The following SLC7A14 variants were observed in gnomAD, a reference collection of about 807,000 sequenced individuals.
SLC7A14 encodes solute carrier family 7 member 14.
In SLC7A14, 37 loss-of-function variants were observed where a neutral mutation model predicts 60.2. The observed-to-expected ratio is 0.61, with a 90% CI of 0.47 to 0.81. The LOEUF (loss-of-function observed/expected upper bound fraction) is 0.81. Ranked by LOEUF, SLC7A14 falls within the 30% of genes least tolerant of loss-of-function variation. The probability of loss-of-function intolerance (pLI) is 0.00; values close to 1 mark genes in which losing one functional copy is unlikely to be tolerated. For synonymous variants in SLC7A14, 399 were observed against 395.8 expected (o/e 1.01, Z -0.10); for missense variants, 886 against 982.7 (o/e 0.90, Z 1.32).
At chr3:170,540,744 A>G (rs1271330023) in intron 1 of SLC7A14, among the ~76,000 whole-genome samples, 5 of 152,218 alleles carry the variant, frequency 3.3e-5, no homozygotes, top group African/African-American at 4.8e-5. Context: ...CCTTGCTCAC[A>G]AAGGAATGCC....
At position 170,469,155 on chromosome 3, in the gene SLC7A14, C is replaced by A. The variant is rs80212265; in HGVS notation, c.1994-1778G>T. On this transcript the variant is annotated intron_variant, in intron 7 of 7. Transcript: ENST00000231706. Reference sequence around the variant, plus strand: ...ACATCCTCCTCTGAGTAGCACCAGTCTCTTTGACTTTGCTAACCCTGCAGG... The same window carrying A: ...ACATCCTCCTCTGAGTAGCACCAGTATCTTTGACTTTGCTAACCCTGCAGG... Among the ~76,000 whole-genome samples, 1,274 of 152,266 alleles carry A rather than the reference C, an allele frequency of 8.4e-3. 23 individuals are homozygous for A. Among genetic ancestry groups the A allele is most frequent in the African/African-American group, 0.029 (1,209 of 41,546 alleles).
chr3:170,566,437 C>T (rs1714790632), intron 1 of SLC7A14, among the ~76,000 whole-genome samples: 1 of 152,130 alleles, frequency 6.6e-6, no homozygotes, highest in Admixed American at 6.5e-5. Context: ...TTAAACATTG[C>T]CAACAAATAG....
At chr3:170,499,110 G>A (rs867067979) in intron 3 of SLC7A14, among the ~76,000 whole-genome samples, 4 of 151,636 alleles carry the variant, frequency 2.6e-5, no homozygotes, top group Non-Finnish European at 4.4e-5. Flanking sequence ...GGTGGCGGGC[G>A]CCTGTAGTCC....
At position 170,481,134 on chromosome 3, in the gene SLC7A14, GTC is replaced by G. The variant is rs1273147379; in HGVS notation, c.1146_1147del (p.Glu382AspfsTer52). ...CGACACGATGCAGGCCACCACTGGT[GTC>G]TCTGTGTAGGAGCTGACGTGAGCCA... On this transcript the variant is annotated frameshift_variant, in exon 7 of 8. Coordinates refer to ENST00000231706, the MANE Select transcript of SLC7A14 (RefSeq NM_020949.3). LOFTEE classifies it high-confidence loss of function. 1 of 1,613,832 alleles carries G rather than the reference GTC, an allele frequency of 6.2e-7. No individual in the cohort carries two copies. Among genetic ancestry groups the G allele is most frequent in the Non-Finnish European group, 8.5e-7 (1 of 1,179,966 alleles).
chr3:170,483,662 GCCTTT>G, intron 5 of SLC7A14, 140 bp from the exon 6 acceptor site: 2 of 839,354 alleles, frequency 2.4e-6, no homozygotes, highest in Non-Finnish European at 3.8e-6. Context: ...GCTGGCATGT[GCCTTT>G]ACTGTAGACC....
chr3:170,537,547 C>G (rs1473879004), intron 1 of SLC7A14, among the ~76,000 whole-genome samples: 2 of 152,228 alleles, frequency 1.3e-5, no homozygotes, highest in African/African-American at 4.8e-5. Flanking sequence ...TTTCTGTACT[C>G]TATGGCAAAC....
intron 1 of SLC7A14, among the ~76,000 whole-genome samples, chr3:170,540,996 C>A (rs1714001411): frequency 6.6e-6 from 1 of 152,104 alleles, no homozygotes; most frequent in African/African-American, 2.4e-5. Flanking sequence ...GAGATGTTTT[C>A]ACTTATTGAC....
chr3:170,564,811 C>A (rs979059753), intron 1 of SLC7A14, among the ~76,000 whole-genome samples: 1 of 152,122 alleles, frequency 6.6e-6, no homozygotes, highest in Non-Finnish European at 1.5e-5. Context: ...GGGGGTGGAC[C>A]AACTGCTACC....
intron 5 of SLC7A14, 43 bp from the exon 6 acceptor site, chr3:170,483,565 A>G (rs1711917461): frequency 6.2e-7 from 1 of 1,607,220 alleles, no homozygotes; most frequent in Admixed American, 1.7e-5. Context: ...ACAGGGGAAG[A>G]ACAGCATGGA....
chr3:170,501,286 A>C lies in SLC7A14; in HGVS notation c.364T>G (p.Tyr122Asp). The C allele has an allele frequency of 6.2e-7, 1 of 1,614,224 alleles. No individual in the cohort carries two copies. Among genetic ancestry groups the C allele is most frequent in the South Asian group, 1.1e-5 (1 of 91,080 alleles). ...AATTCCCCAACAGTGACATAGCTGTAGGTGTAGGCAGATCCTGTGGTCTTG... is the reference window on the plus strand; with the variant it reads ...AATTCCCCAACAGTGACATAGCTGTCGGTGTAGGCAGATCCTGTGGTCTTG... ...VPKTTGSAYT[Y>D]SYVTVGEFVA... The change falls in exon 3 of 8, where the codon TAC (tyrosine) becomes GAC (aspartate). Residue 122 changes from tyrosine to aspartate, a missense_variant. Tyr to Asp is a radical substitution (Grantham distance 160). Transcript: ENST00000231706.
At chr3:170,537,654 A>G (rs529812515) in intron 1 of SLC7A14, among the ~76,000 whole-genome samples, 2 of 152,326 alleles carry the variant, frequency 1.3e-5, no homozygotes, top group African/African-American at 4.8e-5. Context: ...AAACTTAACC[A>G]GAACTACATG....
At chr3:170,512,983 T>C (rs1713035569) in intron 2 of SLC7A14, among the ~76,000 whole-genome samples, 2 of 152,238 alleles carry the variant, frequency 1.3e-5, no homozygotes, top group South Asian at 4.1e-4. Context: ...GGCCGCAGTG[T>C]CTTCTGTGCA....
Position 170,484,494 on chromosome 3 carries a change from A to G in SLC7A14, c.907-972T>C, listed in dbSNP as rs906366265. ...CTGCCTTCAGAATTGGCCATAGGCA[A>G]TGGAGCCACCAGTCATATGGCCAGA... On this transcript the variant is annotated intron_variant, in intron 5 of 7. Transcript: ENST00000231706. 2.6e-5 allele frequency among the ~76,000 whole-genome samples: 4 copies of G among 152,350 alleles called. No homozygotes were observed. The South Asian group carries it at 6.2e-4, about 24-fold the overall frequency.
chr3:170,468,557 A>C (rs571933578), intron 7 of SLC7A14, among the ~76,000 whole-genome samples: 2 of 152,136 alleles, frequency 1.3e-5, no homozygotes, highest in East Asian at 3.9e-4. Context: ...CCACTTCCCA[A>C]TGTGTTGGGA....
chr3:170,573,528 G>T (rs1715006177), intron 1 of SLC7A14, among the ~76,000 whole-genome samples: 1 of 152,168 alleles, frequency 6.6e-6, no homozygotes, highest in African/African-American at 2.4e-5. Flanking sequence ...TTGGTAAGGG[G>T]CTTTGGACAA....
At position 170,498,714 on chromosome 3, in the gene SLC7A14, C is replaced by A. The variant is rs141548910; in HGVS notation, c.712G>T (p.Gly238Trp). The A allele has an allele frequency of 1.2e-6, 2 of 1,614,036 alleles. No homozygotes were observed. Among genetic ancestry groups the A allele is most frequent in the African/African-American group, 2.7e-5 (2 of 74,918 alleles). Residue 238 changes from glycine to tryptophan, a missense_variant, in exon 4 of 8, where the codon GGG becomes TGG. Gly to Trp is a radical substitution (Grantham distance 184). Coordinates refer to ENST00000231706, the MANE Select transcript of SLC7A14 (RefSeq NM_020949.3). ...IMIAGLFFIN[G>W]KYWAEGQFLP... ...AACTGGCCCTCCGCCCAGTATTTCC[C>A]ATTGATGAAGAAGAGGCCTGCGATC...
chr3:170,532,671 GTTT>G lies in SLC7A14; in HGVS notation c.-152-5586_-152-5584del, dbSNP rs368903514. On this transcript the variant is annotated intron_variant, in intron 1 of 7. Transcript: ENST00000231706. This position sits in a 1 kb window ranked among gnomAD's most constrained non-coding sequence, Gnocchi z 4.0. ...ACCCTGCTGTGGCCCCTGACCAGGT[GTTT>G]TTTTTTTTTTGTTGTTGTTGTTCCC... is the stretch of plus-strand genomic sequence containing the variant. Among the ~76,000 whole-genome samples the G allele has an allele frequency of 9.7e-3, 1,409 of 145,654 alleles. 22 individuals are homozygous for G. Among genetic ancestry groups the G allele is most frequent in the African/African-American group, 0.033 (1,314 of 40,156 alleles).
At chr3:170,552,086 G>T (rs1286743377) in intron 1 of SLC7A14, among the ~76,000 whole-genome samples, 2 of 152,004 alleles carry the variant, frequency 1.3e-5, no homozygotes, top group Non-Finnish European at 2.9e-5. Context: ...GTTAATTTTT[G>T]AATAACAACT....
At chr3:170,583,331 C>T (rs1715287699) in intron 1 of SLC7A14, among the ~76,000 whole-genome samples, 1 of 152,118 alleles carries the variant, frequency 6.6e-6, no homozygotes, top group African/African-American at 2.4e-5. Context: ...ATAGTAGGAC[C>T]AGAGGGGAAA....
Sources: allele counts gnomAD v4.1 joint callset (sites outside exome capture counted in the v4.1 genomes callset), GRCh38; gene constraint gnomAD v4.1.1; non-coding constraint Gnocchi (gnomAD v3.1); transcripts MANE v1.5; gene names NCBI Gene and HGNC (gene_info 2026-07-23, HGNC 2026-07-21).